The following FHL2 variants were observed in gnomAD, a reference collection of about 807,000 sequenced individuals.
FHL2 encodes four and a half LIM domains protein 2.
FHL2 carries 20 observed loss-of-function variants against 32.7 expected under a neutral mutation model. The ratio of observed to expected loss-of-function variants is 0.61; its 90% CI spans 0.43 to 0.89. The LOEUF (loss-of-function observed/expected upper bound fraction) is 0.89. FHL2 is among the 40% of genes least tolerant of loss of function. The pLI is 0.00. For missense variants in FHL2, 311 were observed against 358.6 expected (o/e 0.87, Z 1.07); for synonymous variants, 123 against 128.1 (o/e 0.96, Z 0.27).
At chr2:105,427,161 C>G (rs1056147929) in intron 1 of FHL2, among the ~76,000 whole-genome samples, 1 of 152,108 alleles carries the variant, frequency 6.6e-6, no homozygotes, top group Non-Finnish European at 1.5e-5. Flanking sequence ...GCTGCCCACA[C>G]CAGGAAGTAC....
chr2:105,401,064 C>CTTT (rs10561053), upstream of FHL2, among the ~76,000 whole-genome samples: 20 of 125,512 alleles, frequency 1.6e-4, 1 homozygote, highest in South Asian at 5.1e-4. Context: ...TTATTGGATT[C>CTTT]TTTTTTTTTT....
intron 1 of FHL2, among the ~76,000 whole-genome samples, chr2:105,434,611 C>T (rs1684534303): frequency 6.6e-6 from 1 of 151,926 alleles, no homozygotes; most frequent in Admixed American, 6.6e-5. Flanking sequence ...AAGACATTAT[C>T]TTTAACTTGG....
chr2:105,414,047 A>T (rs1052018223), intron 1 of FHL2, among the ~76,000 whole-genome samples: 1 of 152,168 alleles, frequency 6.6e-6, no homozygotes, highest in African/African-American at 2.4e-5. Context: ...CCAACAGGCT[A>T]TTAGTTGGGG....
At position 105,392,821 on chromosome 2, in the gene FHL2, T is replaced by A. The variant is rs1011319901; in HGVS notation, c.-25+3826A>T. ...CCTGCATGCCAGGAAGCTTTTTTTT[T>A]TTTTTTTTTTTTTTTCTTGAGACAG... On this transcript the variant is annotated intron_variant, in intron 2 of 6. Transcript: ENST00000530340. 4.5e-4 allele frequency among the ~76,000 whole-genome samples: 63 copies of A among 140,822 alleles called. No individual in the cohort carries two copies. In the East Asian group the frequency reaches 6.7e-3, roughly 15 times the overall value. The allele number at this position is 140,822 out of a possible 152,430, so 92.4% of individuals were successfully genotyped here.
chr2:105,380,902 C>T (rs1030405459), intron 3 of FHL2, among the ~76,000 whole-genome samples: 46 of 152,218 alleles, frequency 3.0e-4, no homozygotes, highest in Non-Finnish European at 1.6e-4. Flanking sequence ...GGCCCACACA[C>T]TTCCTTTCTG....
chr2:105,425,755 C>T (rs1218647334), intron 1 of FHL2, among the ~76,000 whole-genome samples: 1 of 152,044 alleles, frequency 6.6e-6, no homozygotes, highest in African/African-American at 2.4e-5. Context: ...ATAGTACCTT[C>T]CCTTGAACCT....
intron 2 of FHL2, among the ~76,000 whole-genome samples, chr2:105,392,473 G>C (rs962179002): frequency 6.6e-6 from 1 of 151,890 alleles, no homozygotes; most frequent in African/African-American, 2.4e-5. Flanking sequence ...TGGTGACACA[G>C]ACCATGTCTC....
chr2:105,381,401 T>C (rs763797841), intron 3 of FHL2, among the ~76,000 whole-genome samples: 25 of 152,094 alleles, frequency 1.6e-4, no homozygotes, highest in Non-Finnish European at 2.9e-4. Flanking sequence ...CCCCAGTGTA[T>C]AGACATGGAA....
Position 105,399,001 on chromosome 2 carries a change from G to T in FHL2, c.-235C>A. On this transcript the variant is annotated 5_prime_UTR_variant, in exon 1 of 7. Transcript: ENST00000530340. ...GCAGCGGGCCGGGGACTCCCGGACG[G>T]GGCTGGAGGGCGCGGGCGGCTGGTG... The T allele has an allele frequency of 6.6e-7, 1 of 1,503,976 alleles. No individual in the cohort carries two copies. The allele number at this position is 1,503,976 out of a possible 1,614,324, so 93.2% of individuals were successfully genotyped here.
intron 3 of FHL2, chr2:105,378,272 T>C: frequency 2.2e-6 from 1 of 445,534 alleles, no homozygotes; most frequent in Non-Finnish European, 4.7e-6. Flanking sequence ...ACTGTCCCTC[T>C]AAATGTGGAT....
chr2:105,410,309 T>C (rs1354368657), intron 1 of FHL2, among the ~76,000 whole-genome samples: 2 of 152,244 alleles, frequency 1.3e-5, no homozygotes, highest in African/African-American at 4.8e-5. Context: ...TGGCCTCACT[T>C]GCACACCAGC....
upstream of FHL2, chr2:105,399,417 C>G (rs1169069568): frequency 3.9e-6 from 6 of 1,535,918 alleles, no homozygotes; most frequent in African/African-American, 1.4e-5. Flanking sequence ...CAGGACGTGC[C>G]GGGGGAGGCG....
chr2:105,359,262 A>G (rs1310378433), downstream of FHL2: 1 of 152,224 alleles, frequency 6.6e-6, no homozygotes, highest in Non-Finnish European at 1.5e-5. Flanking sequence ...AATGAGGAAC[A>G]AGTAAGATGT....
upstream of FHL2, among the ~76,000 whole-genome samples, chr2:105,402,128 T>TATATAC (rs1487397441): frequency 6.7e-6 from 1 of 148,748 alleles, no homozygotes; most frequent in Admixed American, 7.1e-5. Flanking sequence ...CATATATACA[T>TATATAC]ATACACATAT....
chr2:105,410,539 A>T (rs1683760171), intron 1 of FHL2, among the ~76,000 whole-genome samples: 1 of 152,300 alleles, frequency 6.6e-6, no homozygotes, highest in East Asian at 1.9e-4. Context: ...CTACTAGCAG[A>T]TTTAGCAGGG....
downstream of FHL2, chr2:105,359,358 T>C (rs1680130875): frequency 6.6e-6 from 1 of 152,330 alleles, no homozygotes; most frequent in Admixed American, 6.5e-5. Context: ...AATTATTCTT[T>C]TTAAGCAAAA....
At chr2:105,422,045 A>G (rs1293668714) in intron 1 of FHL2, among the ~76,000 whole-genome samples, 1 of 152,240 alleles carries the variant, frequency 6.6e-6, no homozygotes, top group Non-Finnish European at 1.5e-5. Context: ...GCCCTAGGAA[A>G]GAATCACGGT....
chr2:105,383,218 G>T (rs1198143657), intron 3 of FHL2, among the ~76,000 whole-genome samples: 2 of 152,178 alleles, frequency 1.3e-5, no homozygotes, highest in African/African-American at 2.4e-5. Context: ...AATTTTTGAA[G>T]CCCAGAACGT....
upstream of FHL2, chr2:105,399,462 G>T: frequency 1.3e-6 from 2 of 1,536,198 alleles, no homozygotes; most frequent in Admixed American, 2.0e-5. Context: ...GGAGGCATGT[G>T]CCTGGGATAT....
Sources: allele counts gnomAD v4.1 joint callset (sites outside exome capture counted in the v4.1 genomes callset), GRCh38; gene constraint gnomAD v4.1.1; transcripts MANE v1.5; gene names NCBI Gene and HGNC (gene_info 2026-07-23, HGNC 2026-07-21).